The following CNTNAP3B variants were observed in gnomAD, a reference collection of about 807,000 sequenced individuals.
CNTNAP3B encodes contactin associated protein family member 3B.
A neutral mutation model predicts 108.9 loss-of-function variants in CNTNAP3B; 25 were observed. That is an observed-to-expected ratio of 0.23 (90% CI 0.17 to 0.32). The LOEUF (loss-of-function observed/expected upper bound fraction) is 0.32, where lower values mean the gene tolerates loss of function less well. Ranked by LOEUF, CNTNAP3B falls within the 10% of genes least tolerant of loss-of-function variation. The pLI, the probability that CNTNAP3B is intolerant of heterozygous loss-of-function variation, is 1.00. For missense variants in CNTNAP3B, 252 were observed against 1,210.4 expected, an observed-to-expected ratio of 0.21 and a Z score of 11.75; for synonymous variants, 103 against 473.4, an observed-to-expected ratio of 0.22 and a Z score of 10.16.
At chr9:42,054,069 A>G (rs1587233416) in intron 3 of CNTNAP3B, among the ~76,000 whole-genome samples, 1 of 151,030 alleles carries the variant, frequency 6.6e-6, no homozygotes. Context: ...ACAATAAAAT[A>G]TTAAGCTTTA....
intron 3 of CNTNAP3B, among the ~76,000 whole-genome samples, chr9:42,038,218 CAACT>C (rs1826673257): frequency 8.7e-6 from 1 of 114,792 alleles, no homozygotes. Flanking sequence ...GAAACTGCAT[CAACT>C]AACGAGCAAA....
intron 11 of CNTNAP3B, among the ~76,000 whole-genome samples, chr9:41,962,532 C>T (rs1215666468): frequency 1.4e-5 from 2 of 146,050 alleles, no homozygotes; most frequent in African/African-American, 2.6e-5. Context: ...TAGGCTTCTG[C>T]TTTTAGGTAA....
Position 42,116,118 on chromosome 9 carries a change from C to T in CNTNAP3B, c.86-11379G>A, listed in dbSNP as rs1452744350. ...TCCGATCAACTGGAAGAAAGGGTAT[C>T]AGTGATTGAGGATCAAATGAATGAA... On this transcript the variant is annotated intron_variant, in intron 1 of 23. Coordinates refer to ENST00000377561, the MANE Select transcript of CNTNAP3B (RefSeq NM_001201380.3). 4.3e-5 allele frequency among the ~76,000 whole-genome samples: 6 copies of T among 138,978 alleles called. 1 individual carries two copies. The highest frequency in any genetic ancestry group is 1.7e-4 in the African/African-American group (6 of 34,936). 91.2% of individuals were successfully genotyped at this position (138,978 alleles called of 152,430 possible). A position where few individuals can be genotyped will look rare whatever the true frequency, so the allele number is the denominator to read the frequency against.
rs576313506 is a variant in CNTNAP3B at position 42,043,154 on chromosome 9, T to C, written c.391-29629A>G. Among the ~76,000 whole-genome samples, 7 of 123,278 alleles carry C rather than the reference T, an allele frequency of 5.7e-5. 1 individual carries two copies. The highest frequency in any genetic ancestry group is 2.7e-4 in the South Asian group (1 of 3,694). The allele number at this position is 123,278 out of a possible 152,430, so 80.9% of individuals were successfully genotyped here. A position where few individuals can be genotyped will look rare whatever the true frequency, so the allele number is the denominator to read the frequency against. On this transcript the variant is annotated intron_variant, in intron 3 of 23. Coordinates refer to ENST00000377561, the MANE Select transcript of CNTNAP3B (RefSeq NM_001201380.3). ...TGATTCCCAAGTTTATATAGAAATA[T>C]TGATATTTTCTTTTATTCTTTTTTT...
chr9:41,925,784 C>A (rs1410090399), intron 15 of CNTNAP3B, among the ~76,000 whole-genome samples: 2 of 152,256 alleles, frequency 1.3e-5, no homozygotes, highest in Non-Finnish European at 2.9e-5. Flanking sequence ...GACACCCATG[C>A]CTTTTTCAGC....
intron 3 of CNTNAP3B, among the ~76,000 whole-genome samples, chr9:42,014,515 G>T (rs1179110792): frequency 8.5e-6 from 1 of 117,198 alleles, no homozygotes; most frequent in Non-Finnish European, 1.8e-5. Context: ...CTTAGGGCCA[G>T]CGCGTTGGCT....
At chr9:41,934,100 C>CATATTTATATATATAT (rs1554738991) in intron 14 of CNTNAP3B, among the ~76,000 whole-genome samples, 2 of 90,224 alleles carry the variant, frequency 2.2e-5, no homozygotes, top group Non-Finnish European at 4.5e-5. Flanking sequence ...ATATTTGTTA[C>CATATTTATATATATAT]ATATATATAT....
At chr9:41,955,609 C>T (rs1296777418) in intron 12 of CNTNAP3B, among the ~76,000 whole-genome samples, 7 of 152,236 alleles carry the variant, frequency 4.6e-5, no homozygotes, top group Non-Finnish European at 8.8e-5. Flanking sequence ...TAGTTTACTG[C>T]AGCCTCGACC....
Position 42,117,093 on chromosome 9 carries a change from A to G in CNTNAP3B, c.85+11917T>C, listed in dbSNP as rs1417010082. 2.2e-5 allele frequency among the ~76,000 whole-genome samples: 3 copies of G among 138,800 alleles called. 1 individual carries two copies. Among genetic ancestry groups the G allele is most frequent in the Non-Finnish European group, 4.6e-5 (3 of 64,888 alleles). The allele number at this position is 138,800 out of a possible 152,430, so 91.1% of individuals were successfully genotyped here. A position where few individuals can be genotyped will look rare whatever the true frequency, so the allele number is the denominator to read the frequency against. ...TAATAATGGGAGATTTTAACACACC[A>G]CTGTCAACATTAGACAGATCAACAA... On this transcript the variant is annotated intron_variant, in intron 1 of 23. Coordinates refer to ENST00000377561, the MANE Select transcript of CNTNAP3B (RefSeq NM_001201380.3).
At chr9:41,995,909 G>A (rs1477617574) in intron 7 of CNTNAP3B, among the ~76,000 whole-genome samples, 9 of 143,036 alleles carry the variant, frequency 6.3e-5, no homozygotes, top group African/African-American at 2.2e-4. Flanking sequence ...GGTGGCGGGC[G>A]CCTGTAATCC....
intron 14 of CNTNAP3B, among the ~76,000 whole-genome samples, chr9:41,934,057 A>G (rs1297460219): frequency 6.9e-6 from 1 of 145,408 alleles, no homozygotes; most frequent in East Asian, 2.0e-4. Context: ...TATGTTAATT[A>G]TTCCACTGTT....
In CNTNAP3B at chr9:42,119,213, T is replaced by G. The variant is rs1285747828; in HGVS notation, c.85+9797A>C. On this transcript the variant is annotated intron_variant, in intron 1 of 23. Transcript: ENST00000377561. ...GACAAACAGAGAGCCAAATCATGAG[T>G]GAACTCCCATTCACAATTGCTTCAA... Among the ~76,000 whole-genome samples the G allele has an allele frequency of 3.5e-5, 4 of 114,238 alleles. 2 individuals are homozygous for G. The highest frequency in any genetic ancestry group is 1.8e-4 in the Admixed American group (2 of 11,170). 74.9% of individuals were successfully genotyped at this position (114,238 alleles called of 152,430 possible).
intron 9 of CNTNAP3B, chr9:41,980,399 TC>T (rs1199893331): frequency 1.3e-5 from 1 of 75,652 alleles, no homozygotes; most frequent in Admixed American, 1.6e-4. Context: ...TTCTCTGGCT[TC>T]CCCTCACCCA....
intron 3 of CNTNAP3B, among the ~76,000 whole-genome samples, chr9:42,071,759 G>T (rs1462538349): frequency 1.8e-5 from 2 of 110,358 alleles, no homozygotes; most frequent in Non-Finnish European, 3.8e-5. Context: ...TGACTGACAT[G>T]ATCTGTCTAA....
At chr9:42,003,070 T>C (rs1826032854) in intron 4 of CNTNAP3B, among the ~76,000 whole-genome samples, 1 of 132,770 alleles carries the variant, frequency 7.5e-6, no homozygotes, top group Non-Finnish European at 1.6e-5. Flanking sequence ...ACTTTTTTTC[T>C]AGAGATGGGG....
intron 9 of CNTNAP3B, among the ~76,000 whole-genome samples, chr9:41,973,013 C>G (rs1447364597): frequency 3.1e-5 from 4 of 128,036 alleles, no homozygotes; most frequent in African/African-American, 1.2e-4. Flanking sequence ...TCTCTGCTCA[C>G]TGCAAGCTCC....
intron 4 of CNTNAP3B, among the ~76,000 whole-genome samples, chr9:42,002,739 G>A (rs1826025437): frequency 7.9e-6 from 1 of 127,044 alleles, no homozygotes; most frequent in Admixed American, 7.9e-5. Flanking sequence ...CTGTAAACAG[G>A]CATCTGGTCC....
At position 42,032,967 on chromosome 9, in the gene CNTNAP3B, T is replaced by C. The variant is rs1235386680; in HGVS notation, c.391-19442A>G. On this transcript the variant is annotated intron_variant, in intron 3 of 23. Coordinates refer to ENST00000377561, the MANE Select transcript of CNTNAP3B (RefSeq NM_001201380.3). ...ACCTTATTTAACCTTAATTACCTCC[T>C]GAAAGGCCCTGTCTTCAGATATAGT... 3.5e-5 allele frequency among the ~76,000 whole-genome samples: 5 copies of C among 144,048 alleles called. No homozygotes were observed. In the East Asian group the frequency reaches 1.0e-3, roughly 30 times the overall value. 94.5% of individuals were successfully genotyped at this position (144,048 alleles called of 152,430 possible).
chr9:42,085,831 G>A (rs1209298293), intron 2 of CNTNAP3B, among the ~76,000 whole-genome samples: 5 of 142,192 alleles, frequency 3.5e-5, no homozygotes, highest in Non-Finnish European at 7.6e-5. Flanking sequence ...TTCATTAAGA[G>A]TAATTGGTAA....
Sources: gnomAD v4.1 joint callset for allele counts (sites outside exome capture counted in the v4.1 genomes callset) on GRCh38, gnomAD v4.1.1 for gene constraint, MANE v1.5 for transcripts, NCBI Gene and HGNC (gene_info 2026-07-23, HGNC 2026-07-21) for gene names.